EPHX2: variants seen among roughly 807,000 people sequenced by gnomAD.
EPHX2 encodes epoxide hydrolase 2, also known as bifunctional epoxide hydrolase 2.
In EPHX2, 74 loss-of-function variants were observed where a neutral mutation model predicts 78.7. The ratio of observed to expected loss-of-function variants is 0.94; its 90% confidence interval spans 0.78 to 1.14. EPHX2 has a LOEUF of 1.14. Among genes scored for constraint, EPHX2 ranks in the 50% most tolerant of loss-of-function variants. The pLI is 0.00. For synonymous variants in EPHX2, 251 were observed against 255.2 expected (o/e 0.98, Z 0.16); for missense variants, 715 against 702.5 (o/e 1.02, Z -0.20).
At chr8:27,508,946 CTTTTTTTTTTTTT>C (rs34748947) in intron 5 of EPHX2, among the ~76,000 whole-genome samples, 6 of 64,406 alleles carry the variant, frequency 9.3e-5, no homozygotes, top group African/African-American at 2.3e-4. Flanking sequence ...CCCCATCCTG[CTTTTTTTTTTTTT>C]TTTTTTTTTT....
chr8:27,512,096 TC>T, intron 6 of EPHX2, 186 bp downstream of exon 6: 8 of 221,560 alleles, frequency 3.6e-5, no homozygotes, highest in Middle Eastern at 1.4e-3. Flanking sequence ...AAACCCTGTC[TC>T]AAGAAAAAAA....
At chr8:27,492,189 G>A (rs141999123) in intron 1 of EPHX2, among the ~76,000 whole-genome samples, 4 of 152,052 alleles carry the variant, frequency 2.6e-5, no homozygotes, top group Non-Finnish European at 4.4e-5. Context: ...GTCCATGTCC[G>A]GAGCCTTTGC....
intron 12 of EPHX2, among the ~76,000 whole-genome samples, chr8:27,530,341 G>C (rs1398916111): frequency 6.6e-6 from 1 of 152,152 alleles, no homozygotes; most frequent in Admixed American, 6.5e-5. Context: ...GTCCTGTGTT[G>C]TGTAAAGTAA....
chr8:27,495,167 G>A (rs985286172), intron 1 of EPHX2, among the ~76,000 whole-genome samples: 26 of 152,324 alleles, frequency 1.7e-4, no homozygotes, highest in African/African-American at 5.8e-4. Flanking sequence ...CTGGAGGTTA[G>A]GAACCCCCTT....
intron 6 of EPHX2, among the ~76,000 whole-genome samples, chr8:27,513,916 A>G (rs1304375588): frequency 2.6e-5 from 4 of 152,198 alleles, no homozygotes; most frequent in Non-Finnish European, 5.9e-5. Flanking sequence ...GTGCTGAAGG[A>G]AAGACTATGG....
rs376529238 is a variant in EPHX2 at position 27,505,178 on chromosome 8, A to G, written c.537+32A>G. 33 of 1,608,546 alleles carry G rather than the reference A, an allele frequency of 2.1e-5. No homozygotes were observed. In the African/African-American group the frequency reaches 3.6e-4, roughly 18 times the overall value. Reference sequence around the variant, plus strand: ...AGACACTTCCTTATGGCAGAGAAGGATGTTCAGAGATATTGCAACCAGGGA... The same window carrying G: ...AGACACTTCCTTATGGCAGAGAAGGGTGTTCAGAGATATTGCAACCAGGGA... On this transcript the variant is annotated intron_variant, in intron 4 of 18. Transcript: ENST00000521400.
Position 27,544,458 on chromosome 8 carries a change from A to G in EPHX2, c.1604A>G (p.Asn535Ser). Residue 535 changes from asparagine (N) to serine (S), a missense_variant, in exon 19 of 19, where the codon AAT (asparagine) becomes AGT (serine). Coordinates refer to ENST00000521400, the MANE Select transcript of EPHX2 (RefSeq NM_001979.6). ...CTTTCCCCCAGGCCAACCGAGGTGA[A>G]TCAGATCCTCATTAAGTGGCTGGAT... ...WTQMDKPTEV[N>S]QILIKWLDSD... 1.2e-6 allele frequency: 2 copies of G among 1,614,064 alleles called. No homozygotes were observed. The highest frequency in any genetic ancestry group is 8.5e-7 in the Non-Finnish European group (1 of 1,180,012).
Position 27,491,337 on chromosome 8 carries a change from G to A in EPHX2, c.101+28G>A, listed in dbSNP as rs1476411965. On this transcript the variant is annotated intron_variant, in intron 1 of 18. Coordinates refer to ENST00000521400, the MANE Select transcript of EPHX2 (RefSeq NM_001979.6). Reference sequence around the variant, plus strand: ...AAGGGGGCCCAGCGCCGCCGCCGCAGTGGGTCGGGGCCTCAGGAGGCAGAC... The same window carrying A: ...AAGGGGGCCCAGCGCCGCCGCCGCAATGGGTCGGGGCCTCAGGAGGCAGAC... 2.1e-6 allele frequency: 3 copies of A among 1,444,158 alleles called. No individual in the cohort carries two copies. The South Asian group carries it at 4.2e-5, about 20-fold the overall frequency. 89.5% of individuals were successfully genotyped at this position (1,444,158 alleles called of 1,614,324 possible).
At chr8:27,494,206 A>G (rs1222220394) in intron 1 of EPHX2, among the ~76,000 whole-genome samples, 2 of 152,156 alleles carry the variant, frequency 1.3e-5, no homozygotes, top group Non-Finnish European at 2.9e-5. Context: ...CTGATGGGAT[A>G]GTAGGTGCCC....
intron 6 of EPHX2, chr8:27,515,469 G>T: frequency 4.1e-6 from 2 of 492,392 alleles, no homozygotes. Flanking sequence ...GTTTTATTTT[G>T]TTTTCCAACA....
intron 9 of EPHX2, among the ~76,000 whole-genome samples, chr8:27,520,123 C>T (rs761867108): frequency 7.3e-5 from 11 of 150,972 alleles, no homozygotes; most frequent in Admixed American, 2.0e-4. Context: ...ATTACAGGTG[C>T]GGGCCATTGT....
chr8:27,541,829 C>G (rs1456381886), intron 16 of EPHX2, among the ~76,000 whole-genome samples: 1 of 152,052 alleles, frequency 6.6e-6, no homozygotes, highest in Non-Finnish European at 1.5e-5. Flanking sequence ...CTGGTGGTAC[C>G]CCAAGGCAGG....
chr8:27,528,042 A>G (rs761362786), intron 12 of EPHX2, among the ~76,000 whole-genome samples: 4 of 152,058 alleles, frequency 2.6e-5, no homozygotes, highest in Non-Finnish European at 5.9e-5. Flanking sequence ...TCTGTGCGCT[A>G]TGGGGAGTCA....
chr8:27,535,053 C>T lies in EPHX2; in HGVS notation c.1171-1731C>T, dbSNP rs546098244. On this transcript the variant is annotated intron_variant, in intron 12 of 18. Transcript: ENST00000521400. ...GAACAGTTCAGCTGATGTTTGGGTG[C>T]GTGCAGGTGGGTGGTTAGAGGGAAG... is the stretch of plus-strand genomic sequence containing the variant. 9.7e-4 allele frequency among the ~76,000 whole-genome samples: 147 copies of T among 152,260 alleles called. 1 individual carries two copies. The highest frequency in any genetic ancestry group is 3.1e-3 in the African/African-American group (128 of 41,546).
chr8:27,512,997 G>A (rs564509862), intron 6 of EPHX2, among the ~76,000 whole-genome samples: 1 of 152,198 alleles, frequency 6.6e-6, no homozygotes, highest in Non-Finnish European at 1.5e-5. Flanking sequence ...AGACCTTGGG[G>A]ACCCTTGCTG....
intron 9 of EPHX2, among the ~76,000 whole-genome samples, chr8:27,518,718 T>C (rs930851224): frequency 6.6e-6 from 1 of 152,242 alleles, no homozygotes; most frequent in African/African-American, 2.4e-5. Flanking sequence ...CACAGCCCTG[T>C]GGGGGCTTCT....
chr8:27,519,646 G>A (rs28729503), intron 9 of EPHX2, among the ~76,000 whole-genome samples: 4 of 152,234 alleles, frequency 2.6e-5, no homozygotes, highest in Admixed American at 6.5e-5. Flanking sequence ...ACTGATGAAC[G>A]ATGGACGGCT....
At chr8:27,501,130 T>G in intron 2 of EPHX2, 120 bp downstream of exon 2, 1 of 793,114 alleles carries the variant, frequency 1.3e-6, no homozygotes, top group Non-Finnish European at 2.0e-6. Flanking sequence ...AAGACAAATG[T>G]TGTTTTAATG....
intron 10 of EPHX2, among the ~76,000 whole-genome samples, chr8:27,521,784 G>T (rs946359970): frequency 6.6e-6 from 1 of 152,198 alleles, no homozygotes; most frequent in Non-Finnish European, 1.5e-5. Context: ...GTGACTCTGC[G>T]GTTGCTGCCA....
Sources: gnomAD v4.1 joint callset for allele counts (sites outside exome capture counted in the v4.1 genomes callset) on GRCh38, gnomAD v4.1.1 for gene constraint, MANE v1.5 for transcripts, NCBI Gene and HGNC (gene_info 2026-07-23, HGNC 2026-07-21) for gene names.